Variants in OGDHL observed in about 807,000 individuals in gnomAD.
OGDHL encodes oxoglutarate dehydrogenase L.
OGDHL carries 79 observed loss-of-function variants against 109.6 expected under a neutral mutation model. That is an observed-to-expected ratio of 0.72 (90% CI 0.60 to 0.87). The LOEUF is 0.87. Among genes scored for constraint, OGDHL ranks in the 40% least tolerant of loss-of-function variants. The pLI is 0.00. For missense variants in OGDHL, 1,275 were observed against 1,362.2 expected (o/e 0.94, Z 1.01); for synonymous variants, 528 against 537.2 (o/e 0.98, Z 0.24).
chr10:49,735,378 G>C (rs1410075153), intron 22 of OGDHL, 27 bp from the exon 23 acceptor site: 8 of 1,607,606 alleles, frequency 5.0e-6, no homozygotes, highest in Non-Finnish European at 6.8e-6. Context: ...AAGCTAAGGG[G>C]AAGGCGGGGC....
At chr10:49,746,158 G>T in intron 10 of OGDHL, among the ~76,000 whole-genome samples, 181 bp from the exon 11 acceptor site, 1 of 152,160 alleles carries the variant, frequency 6.6e-6, no homozygotes, top group Non-Finnish European at 1.5e-5. Flanking sequence ...AGCTCCCACG[G>T]GGACGGCAGC....
chr10:49,745,089 A>C (rs971860373), intron 12 of OGDHL, among the ~76,000 whole-genome samples: 4 of 152,222 alleles, frequency 2.6e-5, no homozygotes, highest in African/African-American at 9.6e-5. Context: ...GCTGCCTCCT[A>C]CAGGAAGCCT....
rs746793033 is a variant in OGDHL, at chr10:49,750,866, TC to T, written c.868del (p.Glu290ArgfsTer13). 3 of 1,611,998 alleles carry T rather than the reference TC, an allele frequency of 1.9e-6. No homozygotes were observed. Among genetic ancestry groups the T allele is most frequent in the Non-Finnish European group, 2.5e-6 (3 of 1,179,126 alleles). On this transcript the variant is annotated frameshift_variant, in exon 7 of 23. Transcript: ENST00000374103. LOFTEE classifies it high-confidence loss of function. ...IIDKSSEMGI[E>X]NVILGMPHRG... is the part of the protein sequence containing the mutation. Reference sequence around the variant, plus strand: ...GTGTGGCATCCCCAAGATGACATTCTCAATCCCCATCTCGCTGGATTTGTCG... The same window carrying T: ...GTGTGGCATCCCCAAGATGACATTCTAATCCCCATCTCGCTGGATTTGTCG...
chr10:49,744,088 C>G lies in OGDHL; in HGVS notation c.1767G>C (p.Met589Ile). 1 of 1,614,104 alleles carries G rather than the reference C, an allele frequency of 6.2e-7. No homozygotes were observed. Among genetic ancestry groups the G allele is most frequent in the Non-Finnish European group, 8.5e-7 (1 of 1,179,980 alleles). The part of the protein sequence containing the change: ...FFNVDGEPKS[M>I]TCPATGIPED... ...CAGGGATCCCCGTGGCTGGGCATGT[C>G]ATGCTCTTGGGCTCCCCATCTACGT... The change falls in exon 14 of 23, where the codon ATG becomes ATC. Residue 589 changes from methionine (M) to isoleucine (I), a missense_variant. Coordinates refer to ENST00000374103, the MANE Select transcript of OGDHL (RefSeq NM_018245.3).
At position 49,736,433 on chromosome 10, in the gene OGDHL, T is replaced by C. The variant is rs372546170; in HGVS notation, c.2678A>G (p.Lys893Arg). ...CTCCTTCACCAGGTCATAGTACACC[T>C]TTCCCGTGCAGAAGATGAGCCGCTG... Reference protein sequence around the residue: ...QVQRLIFCTGKVYYDLVKERS... With the variant: ...QVQRLIFCTGRVYYDLVKERS... The change falls in exon 21 of 23, where the codon AAG (lysine) becomes AGG (arginine). Residue 893 changes from lysine (K) to arginine (R), a missense_variant. Coordinates refer to ENST00000374103, the MANE Select transcript of OGDHL (RefSeq NM_018245.3). 1 of 1,613,976 alleles carries C rather than the reference T, an allele frequency of 6.2e-7. No homozygotes were observed. The highest frequency in any genetic ancestry group is 1.3e-5 in the African/African-American group (1 of 74,934).
chr10:49,761,484 G>A (rs1169109622), intron 1 of OGDHL, among the ~76,000 whole-genome samples: 2 of 152,214 alleles, frequency 1.3e-5, no homozygotes, highest in Admixed American at 1.3e-4. Flanking sequence ...TCAGCAGCAG[G>A]TCTACTCTGA....
At chr10:49,748,612 A>G (rs1326787558) in intron 8 of OGDHL, among the ~76,000 whole-genome samples, 1 of 152,150 alleles carries the variant, frequency 6.6e-6, no homozygotes, top group Non-Finnish European at 1.5e-5. Flanking sequence ...ACTCATTGCA[A>G]CCATTCTCGG....
In OGDHL at chr10:49,751,001, A is replaced by G; in HGVS notation, c.750-16T>C. On this transcript the variant is annotated splice_polypyrimidine_tract_variant and intron_variant, in intron 6 of 22. Transcript: ENST00000374103. ...GTCTTCAAACCTGCTTGGGGAGAGG[A>G]TGGGAAGAGGAAAGGGAAAGGGATG... 1.3e-6 allele frequency: 2 copies of G among 1,582,838 alleles called. No homozygotes were observed. The highest frequency in any genetic ancestry group is 4.5e-5 in the East Asian group (2 of 44,090).
rs368297895 is a variant in OGDHL, at chr10:49,751,816, G to C, written c.749+11C>G. ...GACCTCCAGCCACTTGGCCCTCCAG[G>C]TGGTGCCAACCTCATGGAGCGCACT... On this transcript the variant is annotated intron_variant, in intron 6 of 22. Coordinates refer to ENST00000374103, the MANE Select transcript of OGDHL (RefSeq NM_018245.3). 1.2e-6 allele frequency: 2 copies of C among 1,612,504 alleles called. No homozygotes were observed. The highest frequency in any genetic ancestry group is 2.7e-5 in the African/African-American group (2 of 74,898).
At chr10:49,744,839 C>A in intron 12 of OGDHL, 87 bp from the exon 13 acceptor site, 1 of 1,064,562 alleles carries the variant, frequency 9.4e-7, no homozygotes, top group South Asian at 1.3e-5. Context: ...GTCCTGGTCC[C>A]CATCACCAAG....
At chr10:49,751,766 G>A in intron 6 of OGDHL, 61 bp downstream of exon 6, 1 of 1,576,856 alleles carries the variant, frequency 6.3e-7, no homozygotes, top group East Asian at 2.2e-5. Flanking sequence ...CAGGGTGTGG[G>A]ACGTCTCATA....
In OGDHL at chr10:49,736,444, G is replaced by A. The variant is rs151304962; in HGVS notation, c.2667C>T (p.Phe889=). The A allele has an allele frequency of 1.4e-3, 2,291 of 1,613,940 alleles. 2 individuals carry two copies. Among genetic ancestry groups the A allele is most frequent in the Non-Finnish European group, 1.9e-3 (2,211 of 1,180,036 alleles). Residue 889 remains phenylalanine, a synonymous_variant, in exon 21 of 23, where the codon TTC becomes TTT. Coordinates refer to ENST00000374103, the MANE Select transcript of OGDHL (RefSeq NM_018245.3). ...RAPEQVQRLI[F]CTGKVYYDLV... is the part of the protein sequence containing the mutation. ...GGTCATAGTACACCTTTCCCGTGCA[G>A]AAGATGAGCCGCTGCACCTGCTCAG... is the stretch of plus-strand genomic sequence containing the variant.
chr10:49,742,355 A>G (rs1423946121), intron 15 of OGDHL, among the ~76,000 whole-genome samples: 5 of 6,630 alleles, frequency 7.5e-4, no homozygotes, highest in Admixed American at 5.8e-3. Flanking sequence ...CATGCACCAC[A>G]CAACACACCA....
At chr10:49,756,217 G>A (rs74334000) in intron 3 of OGDHL, among the ~76,000 whole-genome samples, 308 of 152,294 alleles carry the variant, frequency 2.0e-3, no homozygotes, top group African/African-American at 7.0e-3. Context: ...CCTGAACACC[G>A]CAGCAGTCCT....
chr10:49,761,462 G>C (rs914164826), intron 1 of OGDHL, among the ~76,000 whole-genome samples: 3 of 152,228 alleles, frequency 2.0e-5, no homozygotes, highest in African/African-American at 7.2e-5. Context: ...CAGCAGCAGA[G>C]CCTGGATTCT....
chr10:49,746,628 G>T, intron 10 of OGDHL, 122 bp downstream of exon 10: 2 of 1,309,266 alleles, frequency 1.5e-6, no homozygotes, highest in Non-Finnish European at 1.1e-6. Context: ...GCAGGGTCCT[G>T]CCTGGTAAGC....
At chr10:49,740,906 G>A in intron 15 of OGDHL, 69 bp from the exon 16 acceptor site, 1 of 1,592,734 alleles carries the variant, frequency 6.3e-7, no homozygotes. Flanking sequence ...TGGAGCAGGG[G>A]AGCTGGGCAG....
chr10:49,739,931 G>GC lies in OGDHL; in HGVS notation c.2141-93dup, dbSNP rs535708406. 2.5e-4 allele frequency: 328 copies of GC among 1,301,264 alleles called. 1 individual carries two copies. The African/African-American group carries it at 4.1e-3, about 16-fold the overall frequency. The allele number at this position is 1,301,264 out of a possible 1,614,324, so 80.6% of individuals were successfully genotyped here. The stretch of plus-strand genomic sequence containing the variant: ...TAGCCTTTCTCAGTATATCCTCCAT[G>GC]CCCCCACCCATCCTTCTCACAAGCC... On this transcript the variant is annotated intron_variant, in intron 16 of 22. Transcript: ENST00000374103.
At position 49,736,383 on chromosome 10, in the gene OGDHL, T is replaced by C. The variant is rs1841179980; in HGVS notation, c.2728A>G (p.Lys910Glu). The change falls in exon 21 of 23, where the codon AAA (lysine) becomes GAA (glutamate). Residue 910 changes from lysine to glutamate, a missense_variant. By Grantham distance (56) the Lys-to-Glu change is moderately conservative. Transcript: ENST00000374103. ...TGCTCCAGGCGCGTGATGGCCACTT[T>C]CTCCTCCAGGTCCTGGCTGCTCCGC... ...KERSSQDLEEKVAITRLEQIS... is the reference protein window; with the variant it reads ...KERSSQDLEEEVAITRLEQIS... 6.2e-7 allele frequency: 1 copy of C among 1,614,004 alleles called. No homozygotes were observed. The highest frequency in any genetic ancestry group is 1.3e-5 in the African/African-American group (1 of 74,912).
Sources: allele counts gnomAD v4.1 joint callset (sites outside exome capture counted in the v4.1 genomes callset), GRCh38; gene constraint gnomAD v4.1.1; transcripts MANE v1.5; gene names NCBI Gene and HGNC (gene_info 2026-07-23, HGNC 2026-07-21).